FAM228B: variants seen among roughly 807,000 people sequenced by gnomAD.
FAM228B encodes the protein protein FAM228B.
FAM228B carries 38 observed loss-of-function variants against 42.6 expected under a neutral mutation model. The ratio of observed to expected loss-of-function variants is 0.89; its 90% CI spans 0.69 to 1.17. FAM228B has a LOEUF of 1.17. Among genes scored for constraint, FAM228B ranks in the 50% most tolerant of loss-of-function variants. The probability of loss-of-function intolerance (pLI) is 0.00; values close to 1 mark genes in which losing one functional copy is unlikely to be tolerated. For synonymous variants in FAM228B, 109 were observed against 122.3 expected, an observed-to-expected ratio of 0.89 and a Z score of 0.72; for missense variants, 344 against 367.3, an observed-to-expected ratio of 0.94 and a Z score of 0.52.
At chr2:24,119,590 G>T (rs1465747130), upstream of FAM228B, 3 of 1,613,324 alleles carry the variant, frequency 1.9e-6, no homozygotes, top group African/African-American at 4.0e-5. Flanking sequence ...GGCTCTCTGT[G>T]GCTTCCACAC....
rs1665138017 is a variant in FAM228B, at chr2:24,084,054, C to G, written c.-210+3099C>G. The G allele has an allele frequency of 1.5e-6, 2 of 1,374,320 alleles. No individual in the cohort carries two copies. Among genetic ancestry groups the G allele is most frequent in the Non-Finnish European group, 9.6e-7 (1 of 1,044,890 alleles). The allele number at this position is 1,374,320 out of a possible 1,614,324, so 85.1% of individuals were successfully genotyped here. ...CAAAGAGGGCGCCCTGGGTTTAGGT[C>G]TGGGAAGCCCCAGCGCAGCTGCCTG... On this transcript the variant is annotated intron_variant, in intron 2 of 10. Coordinates refer to the FAM228B transcript ENST00000613899. This position sits in a 1 kb window ranked among gnomAD's most constrained non-coding sequence, Gnocchi z 8.4.
At chr2:24,105,978 A>G (rs1415653760) in intron 3 of FAM228B, among the ~76,000 whole-genome samples, 1 of 152,226 alleles carries the variant, frequency 6.6e-6, no homozygotes, top group Non-Finnish European at 1.5e-5. Context: ...AATGAGATCA[A>G]ATCTATGACT....
chr2:24,111,955 C>T (rs1207908339), intron 3 of FAM228B, among the ~76,000 whole-genome samples: 1 of 152,160 alleles, frequency 6.6e-6, no homozygotes, highest in Admixed American at 6.6e-5. Context: ...CATAAACTTG[C>T]TCAAATTCTG....
intron 10 of FAM228B, chr2:24,168,075 CTAAAATTAGA>C: frequency 5.0e-6 from 1 of 201,432 alleles, no homozygotes; most frequent in African/African-American, 2.2e-5. Flanking sequence ...GATACTGAGA[CTAAAATTAGA>C]TCCATTTCAG....
intron 7 of FAM228B, among the ~76,000 whole-genome samples, chr2:24,157,609 A>G (rs2151028986): frequency 6.6e-6 from 1 of 152,104 alleles, no homozygotes; most frequent in South Asian, 2.1e-4. Flanking sequence ...CTGGTGGTGC[A>G]TGCCTGTAAT....
intron 7 of FAM228B, among the ~76,000 whole-genome samples, chr2:24,157,348 G>A (rs980962379): frequency 6.6e-6 from 1 of 152,014 alleles, no homozygotes; most frequent in African/African-American, 2.4e-5. Flanking sequence ...AATTTTATTT[G>A]GTAGGTACTA....
rs761467279 is a variant in FAM228B, at chr2:24,169,341, T to G, written c.*15-15T>G. ...CATACCACACTCAACTCTTCCCTTT[T>G]GTCACCTTCAAAAGGTTTCAGCAAC... On this transcript the variant is annotated splice_polypyrimidine_tract_variant and intron_variant, in intron 10 of 10. Coordinates refer to ENST00000615575, the MANE Select transcript of FAM228B (RefSeq NM_001145710.2). This position sits in a 1 kb window ranked among gnomAD's most constrained non-coding sequence, Gnocchi z 4.2. 3 of 467,078 alleles carry G rather than the reference T, an allele frequency of 6.4e-6. No individual in the cohort carries two copies. The highest frequency in any genetic ancestry group is 2.0e-5 in the African/African-American group (1 of 50,034). 28.9% of individuals were successfully genotyped at this position (467,078 alleles called of 1,614,324 possible).
intron 2 of FAM228B, among the ~76,000 whole-genome samples, chr2:24,127,546 G>C (rs950490402): frequency 6.6e-6 from 1 of 152,090 alleles, no homozygotes; most frequent in Admixed American, 6.6e-5. Flanking sequence ...CAGTGATACC[G>C]TTTTAAATTT....
intron 2 of FAM228B, among the ~76,000 whole-genome samples, chr2:24,133,876 C>T (rs893399257): frequency 6.6e-6 from 1 of 152,170 alleles, no homozygotes; most frequent in Admixed American, 6.5e-5. Flanking sequence ...CATACTACTA[C>T]ACTCTAGCCT....
At chr2:24,093,831 C>T (rs1047270291) in intron 2 of FAM228B, among the ~76,000 whole-genome samples, 9 of 151,930 alleles carry the variant, frequency 5.9e-5, no homozygotes, top group Non-Finnish European at 1.2e-4. Context: ...ATTGGCCAGG[C>T]TGGTCTTGAA....
At chr2:24,158,247 C>A (rs1667204589) in intron 7 of FAM228B, among the ~76,000 whole-genome samples, 1 of 115,298 alleles carries the variant, frequency 8.7e-6, no homozygotes, top group South Asian at 3.1e-4. Flanking sequence ...TATTAAAATG[C>A]CGCTTTAAAA....
rs532298621 is a variant in FAM228B at position 24,155,573 on chromosome 2, G to A, written c.687-5933G>A. The stretch of plus-strand genomic sequence containing the variant: ...TTTTTTTTTTGAGATGGATTTTCGC[G>A]CCTGTTGCTCAGGTTGGATTGCAGT... On this transcript the variant is annotated intron_variant, in intron 7 of 10. Coordinates refer to ENST00000615575, the MANE Select transcript of FAM228B (RefSeq NM_001145710.2). Among the ~76,000 whole-genome samples the A allele has an allele frequency of 1.7e-3, 180 of 105,358 alleles. 3 individuals are homozygous for A. The highest frequency in any genetic ancestry group is 4.3e-4 in the Non-Finnish European group (24 of 55,852). The allele number at this position is 105,358 out of a possible 152,430, so 69.1% of individuals were successfully genotyped here. A position where few individuals can be genotyped will look rare whatever the true frequency, so the allele number is the denominator to read the frequency against.
intron 2 of FAM228B, among the ~76,000 whole-genome samples, chr2:24,093,032 A>G (rs1374427048): frequency 6.6e-6 from 1 of 151,582 alleles, no homozygotes; most frequent in Non-Finnish European, 1.5e-5. Flanking sequence ...TCAGGGCTCA[A>G]GGCGTTTCTC....
chr2:24,129,266 A>G (rs1666393321), intron 2 of FAM228B, among the ~76,000 whole-genome samples: 2 of 148,196 alleles, frequency 1.3e-5, no homozygotes, highest in African/African-American at 5.0e-5. Flanking sequence ...TCTTTGCCTG[A>G]TGTTCGATAT....
At chr2:24,122,345 T>G, upstream of FAM228B, 1 of 1,071,828 alleles carries the variant, frequency 9.3e-7, no homozygotes, top group Non-Finnish European at 1.4e-6. Context: ...AAAAAAGTCA[T>G]GTCTGCTTCA....
intron 3 of FAM228B, among the ~76,000 whole-genome samples, chr2:24,113,911 A>G (rs370812459): frequency 1.6e-4 from 24 of 152,240 alleles, no homozygotes; most frequent in African/African-American, 5.5e-4. Flanking sequence ...CCCCAAAAGA[A>G]TCAAACTACT....
upstream of FAM228B, among the ~76,000 whole-genome samples, chr2:24,122,049 G>A (rs950940348): frequency 6.6e-6 from 1 of 152,104 alleles, no homozygotes; most frequent in African/African-American, 2.4e-5. Flanking sequence ...AGTCATGTCT[G>A]GGCTGGGCAC....
At chr2:24,132,182 A>G (rs1666469545) in intron 2 of FAM228B, among the ~76,000 whole-genome samples, 1 of 152,220 alleles carries the variant, frequency 6.6e-6, no homozygotes, top group African/African-American at 2.4e-5. Flanking sequence ...GATGAAGCCA[A>G]CTTGATGGTG....
intron 2 of FAM228B, among the ~76,000 whole-genome samples, chr2:24,128,845 C>T (rs533711888): frequency 1.3e-4 from 20 of 151,986 alleles, no homozygotes; most frequent in East Asian, 1.9e-4. Context: ...CAGTATCTAC[C>T]GTAGGGCCAA....
Sources: allele counts gnomAD v4.1 joint callset (sites outside exome capture counted in the v4.1 genomes callset), GRCh38; gene constraint gnomAD v4.1.1; non-coding constraint Gnocchi (gnomAD v3.1); transcripts MANE v1.5; gene names NCBI Gene and HGNC (gene_info 2026-07-23, HGNC 2026-07-21).